Variants in LTBP1 observed in about 807,000 individuals in gnomAD.
The protein encoded by LTBP1 is latent transforming growth factor beta binding protein 1, also known as latent-transforming growth factor beta-binding protein 1.
A neutral mutation model predicts 207.6 loss-of-function variants in LTBP1; 129 were observed. The observed-to-expected ratio is 0.62, with a 90% CI of 0.54 to 0.72. The LOEUF is 0.72. Ranked by LOEUF, LTBP1 falls within the 30% of genes least tolerant of loss-of-function variation. The pLI is 0.00. For missense variants in LTBP1, 2,281 were observed against 2,217.2 expected (o/e 1.03, Z -0.58); for synonymous variants, 963 against 833.7 (o/e 1.16, Z -2.67).
In LTBP1 at chr2:33,247,133, G is replaced by C. The variant is rs141402197; in HGVS notation, c.1999+3349G>C. 2.0e-5 allele frequency among the ~76,000 whole-genome samples: 3 copies of C among 152,188 alleles called. No homozygotes were observed. In the South Asian group the frequency reaches 6.2e-4, roughly 31 times the overall value. ...TCTGAGCCTGGGCTTTTGCCTTTTCGTAGTATTCTTCACCCATCAACTTGG... is the reference window on the plus strand; with the variant it reads ...TCTGAGCCTGGGCTTTTGCCTTTTCCTAGTATTCTTCACCCATCAACTTGG... On this transcript the variant is annotated intron_variant, in intron 10 of 33. Coordinates refer to ENST00000404816, the MANE Select transcript of LTBP1 (RefSeq NM_206943.4).
intron 20 of LTBP1, among the ~76,000 whole-genome samples, chr2:33,298,718 G>T (rs777223352): frequency 3.3e-5 from 5 of 152,170 alleles, no homozygotes; most frequent in Non-Finnish European, 7.3e-5. Flanking sequence ...AATATTGGCA[G>T]CCAGGAATTA....
chr2:33,071,453 A>G (rs59884494), intron 3 of LTBP1, among the ~76,000 whole-genome samples: 11,744 of 152,256 alleles, frequency 0.077, 493 homozygotes, highest in Middle Eastern at 0.1. Flanking sequence ...TTCTGCAAGA[A>G]TCTGGACTAC....
At chr2:33,320,172 C>A (rs2094333771) in intron 24 of LTBP1, among the ~76,000 whole-genome samples, 1 of 152,042 alleles carries the variant, frequency 6.6e-6, no homozygotes, top group Admixed American at 6.6e-5. Flanking sequence ...AGTTCGAGGC[C>A]AGCTTGGCCA....
intron 3 of LTBP1, among the ~76,000 whole-genome samples, chr2:33,082,916 G>A (rs1003025466): frequency 6.6e-6 from 1 of 152,080 alleles, no homozygotes; most frequent in Non-Finnish European, 1.5e-5. Flanking sequence ...CTCACTGGTG[G>A]CTAATGCAAG....
At chr2:33,147,715 A>G (rs1047857850) in intron 5 of LTBP1, among the ~76,000 whole-genome samples, 4 of 152,208 alleles carry the variant, frequency 2.6e-5, no homozygotes, top group Non-Finnish European at 5.9e-5. Flanking sequence ...AAGCCTGTGG[A>G]AAACTCATGC....
chr2:33,369,127 A>C (rs2095035887), intron 31 of LTBP1, among the ~76,000 whole-genome samples: 1 of 152,178 alleles, frequency 6.6e-6, no homozygotes, highest in Admixed American at 6.5e-5. Context: ...AATACATATG[A>C]AGTACATATT....
chr2:33,357,160 A>C (rs921128057), intron 26 of LTBP1, among the ~76,000 whole-genome samples: 1 of 152,180 alleles, frequency 6.6e-6, no homozygotes, highest in African/African-American at 2.4e-5. Flanking sequence ...GGAAACACTA[A>C]AGATGGAAAC....
At chr2:33,146,860 G>A (rs936384126) in intron 5 of LTBP1, among the ~76,000 whole-genome samples, 1 of 152,212 alleles carries the variant, frequency 6.6e-6, no homozygotes, top group Non-Finnish European at 1.5e-5. Context: ...CCCCTCCTGG[G>A]CCCGGGGATT....
At position 33,191,067 on chromosome 2, in the gene LTBP1, A is replaced by T. The variant is rs149784996; in HGVS notation, c.1701+2216A>T. Among the ~76,000 whole-genome samples, 11 of 152,296 alleles carry T rather than the reference A, an allele frequency of 7.2e-5. No individual in the cohort carries two copies. The East Asian group carries it at 1.9e-3, about 27-fold the overall frequency. ...TTCGTGCCATTTGCATTGTTTATTCATTCCAGCTTAGGTTGGTCATGGAGA... is the reference window on the plus strand; with the variant it reads ...TTCGTGCCATTTGCATTGTTTATTCTTTCCAGCTTAGGTTGGTCATGGAGA... On this transcript the variant is annotated intron_variant, in intron 7 of 33. Transcript: ENST00000404816.
intron 31 of LTBP1, among the ~76,000 whole-genome samples, chr2:33,376,981 G>A (rs1025880644): frequency 6.6e-6 from 1 of 152,128 alleles, no homozygotes; most frequent in Non-Finnish European, 1.5e-5. Flanking sequence ...GTTTGGGCAG[G>A]TGCATTGGAA....
intron 2 of LTBP1, among the ~76,000 whole-genome samples, chr2:33,006,841 A>C (rs928002193): frequency 5.3e-5 from 8 of 152,112 alleles, no homozygotes; most frequent in Admixed American, 2.0e-4. Flanking sequence ...TCACAGTAAG[A>C]GAGCTAGTAG....
intron 19 of LTBP1, among the ~76,000 whole-genome samples, chr2:33,290,144 C>G (rs2093745320): frequency 6.6e-6 from 1 of 152,188 alleles, no homozygotes; most frequent in Admixed American, 6.5e-5. Context: ...CACTTTATAA[C>G]AATCCACTCT....
intron 3 of LTBP1, among the ~76,000 whole-genome samples, chr2:33,090,134 A>G (rs2078992978): frequency 1.3e-5 from 2 of 152,264 alleles, no homozygotes; most frequent in Non-Finnish European, 2.9e-5. Flanking sequence ...TCTGCAGCAG[A>G]AGAGAGTTGG....
intron 3 of LTBP1, among the ~76,000 whole-genome samples, chr2:33,055,624 A>C (rs2076958304): frequency 6.6e-6 from 1 of 152,160 alleles, no homozygotes; most frequent in Non-Finnish European, 1.5e-5. Context: ...CTTTTCGTTA[A>C]AGGCCAGGGT....
At chr2:33,397,506 C>CTTTT (rs35219261) in intron 33 of LTBP1, among the ~76,000 whole-genome samples, 3,313 of 112,068 alleles carry the variant, frequency 0.03, 307 homozygotes, top group African/African-American at 0.087. Flanking sequence ...TACCACAATT[C>CTTTT]TTTTTTTTTT....
chr2:33,028,957 A>C (rs1235772783), intron 3 of LTBP1, among the ~76,000 whole-genome samples: 1 of 152,132 alleles, frequency 6.6e-6, no homozygotes, highest in Admixed American at 6.5e-5. Context: ...ATTTCCTAGT[A>C]CTCATGAATA....
chr2:33,056,360 G>T, intron 3 of LTBP1: 3 of 1,247,404 alleles, frequency 2.4e-6, no homozygotes, highest in Non-Finnish European at 3.2e-6. Context: ...TGTGGCTTTC[G>T]GTTTTCTTTG....
chr2:32,970,469 C>T (rs889493815), intron 2 of LTBP1, among the ~76,000 whole-genome samples: 1 of 152,148 alleles, frequency 6.6e-6, no homozygotes, highest in African/African-American at 2.4e-5. Flanking sequence ...TTTCAATCTT[C>T]TGCATGTGGC....
intron 3 of LTBP1, among the ~76,000 whole-genome samples, chr2:33,047,029 G>T (rs1009528092): frequency 6.6e-6 from 1 of 152,008 alleles, no homozygotes; most frequent in African/African-American, 2.4e-5. Context: ...GTGGTTAGTT[G>T]TATATCTATT....
Sources: allele counts gnomAD v4.1 joint callset (sites outside exome capture counted in the v4.1 genomes callset), GRCh38; gene constraint gnomAD v4.1.1; transcripts MANE v1.5; gene names NCBI Gene and HGNC (gene_info 2026-07-23, HGNC 2026-07-21).